Variants in GRAMD1C observed in about 807,000 individuals in gnomAD.
GRAMD1C encodes GRAM domain containing 1C.
Under a neutral mutation model 97.8 loss-of-function variants are expected in GRAMD1C, and 89 were observed. The observed-to-expected ratio is 0.91, with a 90% CI of 0.77 to 1.09. The LOEUF (loss-of-function observed/expected upper bound fraction) is 1.09, where lower values mean the gene tolerates loss of function less well. Among genes scored for constraint, GRAMD1C ranks in the 50% least tolerant of loss-of-function variants. GRAMD1C has a pLI of 0.00. For missense variants in GRAMD1C, 740 were observed against 766.4 expected, an observed-to-expected ratio of 0.97 and a Z score of 0.41; for synonymous variants, 256 against 267.0, an observed-to-expected ratio of 0.96 and a Z score of 0.40.
chr3:113,889,082 C>T (rs1329224019), intron 6 of GRAMD1C, among the ~76,000 whole-genome samples: 1 of 152,138 alleles, frequency 6.6e-6, no homozygotes, highest in Non-Finnish European at 1.5e-5. Flanking sequence ...TGCCTGTAAT[C>T]CCAGCTACTC....
intron 1 of GRAMD1C, among the ~76,000 whole-genome samples, chr3:113,831,344 C>T (rs984569044): frequency 1.3e-5 from 2 of 152,048 alleles, no homozygotes; most frequent in Non-Finnish European, 2.9e-5. Flanking sequence ...CAAGTAATGT[C>T]CCTCAATTTC....
At chr3:113,875,433 T>A (rs1934986133) in intron 3 of GRAMD1C, 51 bp from the exon 4 acceptor site, 1 of 813,152 alleles carries the variant, frequency 1.2e-6, no homozygotes, top group African/African-American at 1.7e-5. Flanking sequence ...TAAGGTCTAT[T>A]AATTTCTCAG....
intron 2 of GRAMD1C, among the ~76,000 whole-genome samples, chr3:113,869,088 C>T (rs535515549): frequency 3.3e-5 from 5 of 152,068 alleles, no homozygotes; most frequent in African/African-American, 4.8e-5. Flanking sequence ...GTTCCCACCC[C>T]CAAAGAACTA....
chr3:113,866,995 A>T (rs779143129), intron 2 of GRAMD1C, among the ~76,000 whole-genome samples: 51 of 151,804 alleles, frequency 3.4e-4, no homozygotes, highest in Non-Finnish European at 6.2e-4. Context: ...TGCCTGGCTA[A>T]TTTTTTTGTA....
intron 2 of GRAMD1C, among the ~76,000 whole-genome samples, chr3:113,849,965 C>CG (rs1412273196): frequency 2.7e-4 from 33 of 124,202 alleles, no homozygotes; most frequent in African/African-American, 6.2e-4. Flanking sequence ...GCTGACCGGG[C>CG]GGGGGGCTGA....
At chr3:113,900,665 A>T (rs1035929314) in intron 6 of GRAMD1C, among the ~76,000 whole-genome samples, 1 of 151,224 alleles carries the variant, frequency 6.6e-6, no homozygotes, top group South Asian at 2.1e-4. Flanking sequence ...TGACCTCGTG[A>T]TCTGCCTGCC....
chr3:113,904,052 A>G, intron 7 of GRAMD1C, 88 bp from the exon 8 acceptor site: 1 of 910,486 alleles, frequency 1.1e-6, no homozygotes. Flanking sequence ...AAACTGTTTT[A>G]TCATAGGAAA....
chr3:113,940,325 TC>T lies in GRAMD1C; in HGVS notation c.1890del (p.Ile631Ter). ...AHRLKGVLRDSIVMLEQLKSS... is the reference protein window; with the variant it reads ...AHRLKGVLRDXIVMLEQLKSS... ...TCGTTTAAAGGGAGTGCTCCGAGAC[TC>T]CATAGTGATGCTTGAACAGGTAGGC... On this transcript the variant is annotated frameshift_variant, in exon 17 of 18. Coordinates refer to ENST00000358160, the MANE Select transcript of GRAMD1C (RefSeq NM_017577.5). LOFTEE classifies it high-confidence loss of function. The T allele has an allele frequency of 6.3e-7, 1 of 1,587,164 alleles. No homozygotes were observed. The highest frequency in any genetic ancestry group is 8.7e-7 in the Non-Finnish European group (1 of 1,155,598).
At chr3:113,836,091 C>A (rs1487950413), upstream of GRAMD1C, among the ~76,000 whole-genome samples, 1 of 151,926 alleles carries the variant, frequency 6.6e-6, no homozygotes, top group African/African-American at 2.4e-5. Flanking sequence ...TGGTGAAAGC[C>A]CATCTCTACT....
chr3:113,881,464 A>G, intron 5 of GRAMD1C, among the ~76,000 whole-genome samples: 1 of 152,224 alleles, frequency 6.6e-6, no homozygotes, highest in East Asian at 1.9e-4. Flanking sequence ...AGCCAAATCA[A>G]GATTTATTAA....
intron 6 of GRAMD1C, among the ~76,000 whole-genome samples, chr3:113,889,570 A>T (rs1935636686): frequency 6.6e-6 from 1 of 152,198 alleles, no homozygotes; most frequent in South Asian, 2.1e-4. Flanking sequence ...TGTGAATTAT[A>T]GCACAGTAAA....
upstream of GRAMD1C, among the ~76,000 whole-genome samples, chr3:113,834,280 A>T (rs1167479621): frequency 6.6e-6 from 1 of 152,108 alleles, no homozygotes; most frequent in Non-Finnish European, 1.5e-5. Context: ...CCTGGGTTCA[A>T]GCGATTTTCC....
chr3:113,895,668 A>G (rs4682510), intron 6 of GRAMD1C, among the ~76,000 whole-genome samples: 31,426 of 152,174 alleles, frequency 0.21, 3,237 homozygotes, highest in Middle Eastern at 0.24. Flanking sequence ...GCATGGCAGT[A>G]TAGAAGTGTT....
intron 17 of GRAMD1C, among the ~76,000 whole-genome samples, chr3:113,943,460 C>T (rs900367128): frequency 1.3e-5 from 2 of 152,174 alleles, no homozygotes. Flanking sequence ...TAATTCCCAT[C>T]CCTCACTCCC....
chr3:113,899,144 C>T (rs1936048238), intron 6 of GRAMD1C, among the ~76,000 whole-genome samples: 1 of 152,166 alleles, frequency 6.6e-6, no homozygotes, highest in African/African-American at 2.4e-5. Context: ...TATTTCGCAA[C>T]TTAAAATTTT....
chr3:113,890,787 C>T (rs986392319), intron 6 of GRAMD1C: 1 of 696,186 alleles, frequency 1.4e-6, no homozygotes, highest in Non-Finnish European at 2.6e-6. Context: ...CTTATAAAAA[C>T]AAATATCTCC....
intron 9 of GRAMD1C, chr3:113,913,239 T>C (rs1166407681): frequency 4.0e-6 from 2 of 495,374 alleles, no homozygotes; most frequent in Non-Finnish European, 7.1e-6. Context: ...TCCAAAGTAG[T>C]TTCAGCTGGA....
At chr3:113,865,588 A>G (rs1934552888) in intron 2 of GRAMD1C, among the ~76,000 whole-genome samples, 1 of 152,220 alleles carries the variant, frequency 6.6e-6, no homozygotes, top group South Asian at 2.1e-4. Flanking sequence ...GAGAACTACA[A>G]GAAAAGAAGA....
intron 6 of GRAMD1C, among the ~76,000 whole-genome samples, chr3:113,892,371 C>A (rs1234157967): frequency 6.6e-6 from 1 of 152,098 alleles, no homozygotes; most frequent in Non-Finnish European, 1.5e-5. Flanking sequence ...ACTCGGGAGG[C>A]TGAGGCAGGA....
Sources: allele counts gnomAD v4.1 joint callset (sites outside exome capture counted in the v4.1 genomes callset), GRCh38; gene constraint gnomAD v4.1.1; transcripts MANE v1.5; gene names NCBI Gene and HGNC (gene_info 2026-07-23, HGNC 2026-07-21).